CREBBP: variants seen among roughly 807,000 people sequenced by gnomAD.
CREBBP encodes CREB binding lysine acetyltransferase, also known as CREB-binding protein.
Under a neutral mutation model 265.0 loss-of-function variants are expected in CREBBP, and 19 were observed. The observed-to-expected ratio is 0.07, with a 90% confidence interval of 0.05 to 0.11. CREBBP has a LOEUF of 0.11. Among genes scored for constraint, CREBBP ranks in the 10% least tolerant of loss-of-function variants. The pLI, the probability that CREBBP is intolerant of heterozygous loss-of-function variation, is 1.00. For missense variants in CREBBP, 2,525 were observed against 3,219.0 expected, an observed-to-expected ratio of 0.78 and a Z score of 5.22; for synonymous variants, 1,457 against 1,223.7, an observed-to-expected ratio of 1.19 and a Z score of -3.98.
In CREBBP at chr16:3,792,162, A is replaced by G. The variant is rs551219942; in HGVS notation, c.1217-68T>C. ...TCGTCACACTTTCAATTATACCTAA[A>G]TTATAATGCCAGATTCCATAAGAAA... On this transcript the variant is annotated intron_variant, in intron 4 of 30. Coordinates refer to ENST00000262367, the MANE Select transcript of CREBBP (RefSeq NM_004380.3). 149 of 1,219,408 alleles carry G rather than the reference A, an allele frequency of 1.2e-4. No individual in the cohort carries two copies. In the African/African-American group the frequency reaches 2.0e-3, roughly 17 times the overall value. The allele number at this position is 1,219,408 out of a possible 1,614,324, so 75.5% of individuals were successfully genotyped here.
chr16:3,770,919 G>C lies in CREBBP; in HGVS notation c.2531C>G (p.Pro844Arg), dbSNP rs2141204039. The change falls in exon 14 of 31, where the codon CCT (proline) becomes CGT (arginine). Residue 844 changes from proline (P) to arginine (R), a missense_variant. Pro to Arg is a moderately radical substitution (Grantham distance 103). Transcript: ENST00000262367. ...TGGTGACTGTGTCACTGGAGGGCAA[G>C]GTAGCTGGCTGGCCTGAGGCCCCAG... is the stretch of plus-strand genomic sequence containing the variant. ...NMLGPQASQLPCPPVTQSPLH... is the reference protein window; with the variant it reads ...NMLGPQASQLRCPPVTQSPLH... The C allele has an allele frequency of 6.2e-7, 1 of 1,613,836 alleles. No homozygotes were observed. The highest frequency in any genetic ancestry group is 8.5e-7 in the Non-Finnish European group (1 of 1,180,012).
At position 3,880,618 on chromosome 16, in the gene CREBBP, G is replaced by T. The variant is rs1597101023; in HGVS notation, c.-702C>A. On this transcript the variant is annotated 5_prime_UTR_variant, in exon 1 of 31. Coordinates refer to ENST00000262367, the MANE Select transcript of CREBBP (RefSeq NM_004380.3). Reference sequence around the variant, plus strand: ...CCGGCCGGGCGGAGCGGGGTGCGCGGGCGGTTGTGGGGCCCGGGACCGGCG... The same window carrying T: ...CCGGCCGGGCGGAGCGGGGTGCGCGTGCGGTTGTGGGGCCCGGGACCGGCG... The T allele has an allele frequency of 6.8e-6, 1 of 147,872 alleles. No homozygotes were observed. Among genetic ancestry groups the T allele is most frequent in the South Asian group, 2.0e-4 (1 of 4,944 alleles). 9.2% of individuals were successfully genotyped at this position (147,872 alleles called of 1,614,324 possible).
chr16:3,879,961 C>T lies in CREBBP; in HGVS notation c.-45G>A, dbSNP rs536033987. 8.9e-6 allele frequency: 14 copies of T among 1,572,230 alleles called. No homozygotes were observed. Among genetic ancestry groups the T allele is most frequent in the Admixed American group, 1.8e-5 (1 of 55,794 alleles). ...CAGCCCCGGGCACGGGCGGCCGGGC[C>T]GGCGAGGGCCCGGACGGGGGTCGGG... On this transcript the variant is annotated 5_prime_UTR_variant, in exon 1 of 31. Transcript: ENST00000262367.
At chr16:3,752,541 A>G (rs1730382726) in intron 19 of CREBBP, among the ~76,000 whole-genome samples, 1 of 152,078 alleles carries the variant, frequency 6.6e-6, no homozygotes, top group African/African-American at 2.4e-5. Context: ...AACATTTAAC[A>G]TAAATGCAGT....
rs1269330273 is a variant in CREBBP at position 3,745,145 on chromosome 16, T to C, written c.3914+132A>G. ...CGGACAAACGCTTAGAACTTAAATT[T>C]AGAACCAACTGCCATCTCTCTTAAT... On this transcript the variant is annotated intron_variant, in intron 22 of 30. Transcript: ENST00000262367. 1.5e-5 allele frequency: 15 copies of C among 996,526 alleles called. No individual in the cohort carries two copies. The East Asian group carries it at 3.9e-4, about 26-fold the overall frequency. 61.7% of individuals were successfully genotyped at this position (996,526 alleles called of 1,614,324 possible).
rs878985635 is a variant in CREBBP, at chr16:3,879,838, T to C, written c.79A>G (p.Ser27Gly). ...LSSPGFSAND[S>G]TDFGSLFDLE... ...CCCCGGACCCCCTCCTCACCTGTGC[T>C]GTCATTCGCCGAGAAACCGGGCGAG... The change falls in exon 1 of 31, where the codon AGC (serine) becomes GGC (glycine). Residue 27 changes from serine to glycine, a missense_variant. By Grantham distance (56) the Ser-to-Gly change is moderately conservative (BLOSUM62 0). Around this residue, in one of 19 missense-constraint regions of CREBBP, gnomAD observed 356 missense variants for 340.4 expected, o/e 1.05. Coordinates refer to ENST00000262367, the MANE Select transcript of CREBBP (RefSeq NM_004380.3). The C allele has an allele frequency of 6.2e-7, 1 of 1,607,714 alleles. No individual in the cohort carries two copies. Among genetic ancestry groups the C allele is most frequent in the Admixed American group, 1.7e-5 (1 of 59,650 alleles).
chr16:3,872,699 C>T (rs1033842411), intron 1 of CREBBP, among the ~76,000 whole-genome samples: 2 of 152,206 alleles, frequency 1.3e-5, no homozygotes, highest in South Asian at 4.1e-4. Flanking sequence ...CTAGGAGAGA[C>T]GGGACAACCA....
At chr16:3,764,580 CTTAA>C (rs894784540) in intron 16 of CREBBP, among the ~76,000 whole-genome samples, 50 of 152,064 alleles carry the variant, frequency 3.3e-4, no homozygotes, top group Non-Finnish European at 1.3e-4. Context: ...CCACTCATTT[CTTAA>C]TTAATTAATT....
intron 5 of CREBBP, among the ~76,000 whole-genome samples, chr16:3,786,615 C>T (rs560109927): frequency 4.3e-4 from 66 of 152,256 alleles, no homozygotes; most frequent in African/African-American, 1.5e-3. Context: ...GAGTGAGCCA[C>T]GGGGTCACCC....
intron 2 of CREBBP, among the ~76,000 whole-genome samples, chr16:3,823,701 C>A (rs1488860448): frequency 6.6e-6 from 1 of 152,080 alleles, no homozygotes; most frequent in Admixed American, 6.6e-5. Flanking sequence ...CAAGGGATGC[C>A]CCTTCATCCT....
At chr16:3,738,078 G>A (rs149423072) in intron 26 of CREBBP, among the ~76,000 whole-genome samples, 2,205 of 151,788 alleles carry the variant, frequency 0.015, 31 homozygotes, top group Middle Eastern at 0.034. Context: ...GAGCCACCGC[G>A]CCCGGCCTTT....
chr16:3,847,172 G>A (rs977418524), intron 2 of CREBBP, among the ~76,000 whole-genome samples: 1 of 152,146 alleles, frequency 6.6e-6, no homozygotes, highest in Non-Finnish European at 1.5e-5. Flanking sequence ...GTGTCACAGA[G>A]GCCATCTAAG....
At chr16:3,854,086 A>T (rs537398214) in intron 1 of CREBBP, among the ~76,000 whole-genome samples, 59 of 152,288 alleles carry the variant, frequency 3.9e-4, no homozygotes, top group Middle Eastern at 3.4e-3. Flanking sequence ...CACCCACATG[A>T]TCTGAAGTGG....
intron 2 of CREBBP, among the ~76,000 whole-genome samples, chr16:3,821,203 A>T (rs1346583181): frequency 6.6e-6 from 1 of 152,214 alleles, no homozygotes; most frequent in African/African-American, 2.4e-5. Flanking sequence ...TAAAAATCTG[A>T]TGACATTTTT....
At chr16:3,834,091 G>A (rs2054395660) in intron 2 of CREBBP, among the ~76,000 whole-genome samples, 1 of 152,144 alleles carries the variant, frequency 6.6e-6, no homozygotes, top group Non-Finnish European at 1.5e-5. Flanking sequence ...TATTAGAACA[G>A]CCAAATCCAG....
chr16:3,744,524 C>A (rs1024599240), intron 23 of CREBBP, among the ~76,000 whole-genome samples: 4 of 152,174 alleles, frequency 2.6e-5, no homozygotes, highest in African/African-American at 9.7e-5. Context: ...TAAGGGTGGA[C>A]TGAGATGTTT....
At chr16:3,779,221 T>A (rs1567306613) in intron 8 of CREBBP, among the ~76,000 whole-genome samples, 1 of 151,196 alleles carries the variant, frequency 6.6e-6, no homozygotes, top group Non-Finnish European at 1.5e-5. Flanking sequence ...TCGCCCAGGC[T>A]GGAGTACAGT....
intron 1 of CREBBP, among the ~76,000 whole-genome samples, chr16:3,869,560 G>A (rs995655045): frequency 6.6e-5 from 10 of 152,102 alleles, no homozygotes; most frequent in African/African-American, 2.4e-4. Flanking sequence ...GTCCAATACC[G>A]TAGTGACTAA....
chr16:3,821,197 A>C (rs1398720077), intron 2 of CREBBP, among the ~76,000 whole-genome samples: 2 of 152,224 alleles, frequency 1.3e-5, no homozygotes, highest in Non-Finnish European at 2.9e-5. Context: ...TGATTCTAAA[A>C]ATCTGATGAC....
Sources: allele counts gnomAD v4.1 joint callset (sites outside exome capture counted in the v4.1 genomes callset), GRCh38; gene constraint gnomAD v4.1.1; regional missense constraint gnomAD v4.1.1; transcripts MANE v1.5; gene names NCBI Gene and HGNC (gene_info 2026-07-23, HGNC 2026-07-21).